Variants in PRKAA1 observed in about 807,000 individuals in gnomAD.
PRKAA1 encodes the protein 5'-AMP-activated protein kinase catalytic subunit alpha-1.
PRKAA1 carries 23 observed loss-of-function variants against 56.9 expected under a neutral mutation model. The ratio of observed to expected loss-of-function variants is 0.40; its 90% confidence interval spans 0.29 to 0.57. The LOEUF (loss-of-function observed/expected upper bound fraction) is 0.57. Ranked by LOEUF, PRKAA1 falls within the 20% of genes least tolerant of loss-of-function variation. The probability of loss-of-function intolerance (pLI) is 0.39; values close to 1 mark genes in which losing one functional copy is unlikely to be tolerated. For synonymous variants in PRKAA1, 226 were observed against 227.0 expected (o/e 1.00, Z 0.04); for missense variants, 413 against 679.7 (o/e 0.61, Z 4.36).
chr5:40,761,648 GAT>G lies in PRKAA1; in HGVS notation c.*1128_*1129del, dbSNP rs1743194437. 6.6e-6 allele frequency: 1 copy of G among 152,206 alleles called. No homozygotes were observed. Among genetic ancestry groups the G allele is most frequent in the South Asian group, 2.1e-4 (1 of 4,836 alleles). 9.4% of individuals were successfully genotyped at this position (152,206 alleles called of 1,614,324 possible). A position where few individuals can be genotyped will look rare whatever the true frequency, so the allele number is the denominator to read the frequency against. ...ATCAGAGCACTTAAAGTTTGTAAGA[GAT>G]AGTTTTCTATGCACTGAATCAATTT... is the stretch of plus-strand genomic sequence containing the variant. On this transcript the variant is annotated 3_prime_UTR_variant, in exon 9 of 9. Transcript: ENST00000397128.
At chr5:40,787,774 A>C (rs1744557827) in intron 1 of PRKAA1, among the ~76,000 whole-genome samples, 1 of 152,120 alleles carries the variant, frequency 6.6e-6, no homozygotes, top group African/African-American at 2.4e-5. Context: ...AGTAATAGAG[A>C]AAGGGACAAA....
At chr5:40,764,346 A>C in intron 8 of PRKAA1, 168 bp downstream of exon 8, 1 of 642,576 alleles carries the variant, frequency 1.6e-6, no homozygotes. Context: ...ATTACAAGAA[A>C]AATAAGATTC....
At chr5:40,770,238 G>A (rs1003977094) in intron 4 of PRKAA1, among the ~76,000 whole-genome samples, 4 of 152,126 alleles carry the variant, frequency 2.6e-5, no homozygotes, top group Admixed American at 6.5e-5. Flanking sequence ...CAAGACAGGC[G>A]GATCACTTCA....
At chr5:40,786,945 G>A (rs1303597881) in intron 1 of PRKAA1, among the ~76,000 whole-genome samples, 2 of 151,888 alleles carry the variant, frequency 1.3e-5, no homozygotes, top group Non-Finnish European at 2.9e-5. Flanking sequence ...GCAACAAAGT[G>A]AGACTTTGTC....
intron 4 of PRKAA1, among the ~76,000 whole-genome samples, chr5:40,770,778 A>G (rs533999143): frequency 6.6e-6 from 1 of 151,714 alleles, no homozygotes; most frequent in African/African-American, 2.4e-5. Context: ...TTTAGTAGAG[A>G]TGGGTTTTCA....
chr5:40,772,721 C>A (rs746116555), intron 3 of PRKAA1, among the ~76,000 whole-genome samples: 5 of 152,068 alleles, frequency 3.3e-5, no homozygotes, highest in Non-Finnish European at 7.4e-5. Context: ...GCAGCCTCGG[C>A]TTCCCTGGGG....
intron 1 of PRKAA1, among the ~76,000 whole-genome samples, chr5:40,783,645 G>C (rs1023548405): frequency 6.6e-6 from 1 of 152,114 alleles, no homozygotes; most frequent in Non-Finnish European, 1.5e-5. Context: ...TGTAATCCCA[G>C]CTACTTAGGA....
chr5:40,788,796 C>T (rs1243195221), intron 1 of PRKAA1, among the ~76,000 whole-genome samples: 1 of 152,002 alleles, frequency 6.6e-6, no homozygotes, highest in Non-Finnish European at 1.5e-5. Context: ...CATTGCACTC[C>T]AGCCTGGGTG....
rs1328735512 is a variant in PRKAA1 at position 40,775,396 on chromosome 5, G to A, written c.363+14C>T. On this transcript the variant is annotated intron_variant, in intron 3 of 8. Transcript: ENST00000397128. Reference sequence around the variant, plus strand: ...GTTACAAAATACATACAGAATTAAAGCAGAACAGCTTACCCTTCCATTCTT... The same window carrying A: ...GTTACAAAATACATACAGAATTAAAACAGAACAGCTTACCCTTCCATTCTT... 1.9e-6 allele frequency: 3 copies of A among 1,563,224 alleles called. No homozygotes were observed. In the African/African-American group the frequency reaches 4.1e-5, roughly 21 times the overall value.
chr5:40,763,050 T>C (rs763558729), intron 8 of PRKAA1, 28 bp from the exon 9 acceptor site: 4 of 1,611,994 alleles, frequency 2.5e-6, no homozygotes, highest in Admixed American at 3.3e-5. Context: ...CAATTTATTA[T>C]AGTCTATGAC....
At chr5:40,783,457 G>A (rs543352498) in intron 1 of PRKAA1, among the ~76,000 whole-genome samples, 5 of 152,102 alleles carry the variant, frequency 3.3e-5, no homozygotes, top group South Asian at 2.1e-4. Flanking sequence ...ATTCTTATCA[G>A]TTAGAAAAAA....
At chr5:40,797,983 G>T in intron 1 of PRKAA1, 80 bp downstream of exon 1, 1 of 1,564,664 alleles carries the variant, frequency 6.4e-7, no homozygotes, top group East Asian at 2.4e-5. Flanking sequence ...GCAGCGGGCG[G>T]GGGAGGATGA....
intron 5 of PRKAA1, chr5:40,768,344 C>A: frequency 6.5e-6 from 5 of 763,478 alleles, no homozygotes; most frequent in Non-Finnish European, 8.0e-6. Context: ...TTTATCCAAA[C>A]TAGAAAAATT....
At position 40,798,361 on chromosome 5, in the gene PRKAA1, G is replaced by A. The variant is rs930701741; in HGVS notation, c.-172C>T. ...GCTCCCCCTGGCGGGGCGGGCGGGG[G>A]CTGCCAGGAGAATCACCAGTACCCG... On this transcript the variant is annotated 5_prime_UTR_variant, in exon 1 of 9. Transcript: ENST00000397128. 1.1e-4 allele frequency: 37 copies of A among 327,214 alleles called. No homozygotes were observed. The Admixed American group carries it at 1.6e-3, about 14-fold the overall frequency. The allele number at this position is 327,214 out of a possible 1,614,324, so 20.3% of individuals were successfully genotyped here. A position where few individuals can be genotyped will look rare whatever the true frequency, so the allele number is the denominator to read the frequency against.
rs766415965 is a variant in PRKAA1 at position 40,774,906 on chromosome 5, A to G, written c.363+504T>C. ...CCTACAAAGTTCCTTCCAGCTGTAAATTCTTTATATCTAATTCCTACCTCC... is the reference window on the plus strand; with the variant it reads ...CCTACAAAGTTCCTTCCAGCTGTAAGTTCTTTATATCTAATTCCTACCTCC... On this transcript the variant is annotated intron_variant, in intron 3 of 8. Transcript: ENST00000397128. The G allele has an allele frequency of 3.2e-6, 5 of 1,568,260 alleles. No homozygotes were observed. The South Asian group carries it at 3.4e-5, about 11-fold the overall frequency.
intron 1 of PRKAA1, among the ~76,000 whole-genome samples, 195 bp downstream of exon 1, chr5:40,797,868 C>T (rs1457662655): frequency 6.6e-6 from 1 of 152,134 alleles, no homozygotes; most frequent in East Asian, 1.9e-4. Context: ...TACCCCACCC[C>T]CACCCCCACC....
chr5:40,787,193 C>T (rs1030894361), intron 1 of PRKAA1, among the ~76,000 whole-genome samples: 5 of 151,360 alleles, frequency 3.3e-5, no homozygotes, highest in South Asian at 2.1e-4. Flanking sequence ...TAGCCAGGCG[C>T]GGTGGCTCAC....
chr5:40,771,679 A>T (rs762629962), intron 4 of PRKAA1, 40 bp downstream of exon 4: 3 of 1,569,202 alleles, frequency 1.9e-6, no homozygotes, highest in Non-Finnish European at 2.6e-6. Context: ...CTATAAGAAC[A>T]TTAGAAATGA....
chr5:40,770,414 C>T (rs917371433), intron 4 of PRKAA1, among the ~76,000 whole-genome samples: 3 of 119,728 alleles, frequency 2.5e-5, no homozygotes, highest in Admixed American at 8.1e-5. Context: ...TGCAGTGAGC[C>T]GAGATCGTAC....
Sources: allele counts gnomAD v4.1 joint callset (sites outside exome capture counted in the v4.1 genomes callset), GRCh38; gene constraint gnomAD v4.1.1; transcripts MANE v1.5; gene names NCBI Gene and HGNC (gene_info 2026-07-23, HGNC 2026-07-21).